Variants in CREB1 observed in about 807,000 individuals in gnomAD.
CREB1 encodes the protein cAMP responsive element binding protein 1, also known as cyclic AMP-responsive element-binding protein 1.
Under a neutral mutation model 42.0 loss-of-function variants are expected in CREB1, and 2 were observed. That is an observed-to-expected ratio of 0.05 (90% CI 0.02 to 0.15). CREB1 has a LOEUF of 0.15. Ranked by LOEUF, CREB1 falls within the 10% of genes least tolerant of loss-of-function variation. The pLI, the probability that CREB1 is intolerant of heterozygous loss-of-function variation, is 1.00. For synonymous variants in CREB1, 123 were observed against 139.9 expected, an observed-to-expected ratio of 0.88 and a Z score of 0.85; for missense variants, 199 against 388.9, an observed-to-expected ratio of 0.51 and a Z score of 4.11.
At chr2:207,579,057 A>G (rs1271248761) in intron 7 of CREB1, among the ~76,000 whole-genome samples, 2 of 152,112 alleles carry the variant, frequency 1.3e-5, no homozygotes, top group Non-Finnish European at 2.9e-5. Flanking sequence ...AAGTGCTGGG[A>G]TTACAGGTAT....
intron 2 of CREB1, among the ~76,000 whole-genome samples, chr2:207,557,405 G>A (rs999322471): frequency 2.0e-5 from 3 of 152,194 alleles, no homozygotes; most frequent in Admixed American, 6.5e-5. Flanking sequence ...TGTATGGGCC[G>A]GGTGTGATGG....
intron 7 of CREB1, chr2:207,581,808 G>A (rs1325165995): frequency 5.7e-6 from 4 of 698,988 alleles, no homozygotes; most frequent in South Asian, 1.5e-5. Flanking sequence ...TCCAGTTTGG[G>A]TACCATATCG....
chr2:207,532,829 C>A (rs763793930), intron 1 of CREB1, among the ~76,000 whole-genome samples: 2 of 151,910 alleles, frequency 1.3e-5, no homozygotes, highest in Non-Finnish European at 2.9e-5. Context: ...TCGGCTCACT[C>A]ACTGCAAGCT....
intron 6 of CREB1, chr2:207,577,131 T>C: frequency 3.0e-6 from 3 of 991,810 alleles, no homozygotes; most frequent in Non-Finnish European, 3.6e-6. Flanking sequence ...AATTTTTTAA[T>C]ATGAATTTAC....
At chr2:207,575,535 C>T (rs760676962) in intron 6 of CREB1, 81 bp downstream of exon 6, 2 of 1,215,194 alleles carry the variant, frequency 1.6e-6, no homozygotes, top group Non-Finnish European at 1.2e-6. Flanking sequence ...AAGTAAGTAT[C>T]ATATTGCAAA....
At chr2:207,546,103 T>C (rs1271985742) in intron 1 of CREB1, among the ~76,000 whole-genome samples, 1 of 152,234 alleles carries the variant, frequency 6.6e-6, no homozygotes, top group Non-Finnish European at 1.5e-5. Context: ...ATTTTCTACT[T>C]TGAGTTTTTA....
At position 207,602,768 on chromosome 2, in the gene CREB1, ATAAT is replaced by A. The variant is rs1296152036; in HGVS notation, c.*5712_*5715del. On this transcript the variant is annotated 3_prime_UTR_variant, in exon 8 of 8. Coordinates refer to ENST00000353267, the MANE Select transcript of CREB1 (RefSeq NM_004379.5). ...AAATTATTTATATTAAAAGTGGGAA[ATAAT>A]TGTCAACATTTTTTTTGAGTATAGA... 4.7e-6 allele frequency: 1 copy of A among 214,376 alleles called. No homozygotes were observed. The highest frequency in any genetic ancestry group is 2.3e-5 in the African/African-American group (1 of 44,320). The allele number at this position is 214,376 out of a possible 1,614,324, so 13.3% of individuals were successfully genotyped here. A position where few individuals can be genotyped will look rare whatever the true frequency, so the allele number is the denominator to read the frequency against.
At chr2:207,585,859 A>G (rs1189644254) in intron 7 of CREB1, among the ~76,000 whole-genome samples, 2 of 152,180 alleles carry the variant, frequency 1.3e-5, no homozygotes, top group Admixed American at 1.3e-4. Flanking sequence ...AGGATGAAGA[A>G]AGCCTACATA....
intron 1 of CREB1, chr2:207,534,470 T>C (rs2080785111): frequency 2.0e-5 from 3 of 152,246 alleles, no homozygotes; most frequent in Admixed American, 2.0e-4. Flanking sequence ...TGCCTGGGAT[T>C]ATAGGCGTGA....
chr2:207,574,709 G>A, intron 5 of CREB1, among the ~76,000 whole-genome samples: 1 of 152,164 alleles, frequency 6.6e-6, no homozygotes, highest in Non-Finnish European at 1.5e-5. Flanking sequence ...AAGTTCCATA[G>A]GATATTTCAG....
intron 1 of CREB1, among the ~76,000 whole-genome samples, chr2:207,547,968 C>T (rs907771081): frequency 3.0e-4 from 45 of 151,748 alleles, no homozygotes; most frequent in Admixed American, 2.8e-3. Flanking sequence ...TCTCATTCAC[C>T]GTGTCACCCA....
chr2:207,560,432 C>G, intron 3 of CREB1, 60 bp downstream of exon 3: 1 of 1,497,354 alleles, frequency 6.7e-7, no homozygotes, highest in East Asian at 2.3e-5. Flanking sequence ...CCATATCTCT[C>G]TCCTTTCACT....
chr2:207,536,876 G>C (rs751818896), intron 1 of CREB1, among the ~76,000 whole-genome samples: 6 of 151,864 alleles, frequency 4.0e-5, no homozygotes, highest in Non-Finnish European at 5.9e-5. Context: ...TGTAGTCCCA[G>C]CTGCTTGGGA....
chr2:207,592,176 G>C (rs1045892404), intron 7 of CREB1, among the ~76,000 whole-genome samples: 2 of 152,068 alleles, frequency 1.3e-5, no homozygotes, highest in African/African-American at 4.8e-5. Context: ...TTAAGGCTGA[G>C]GTAGGCGGAT....
chr2:207,591,456 T>A (rs1027822923), intron 7 of CREB1, among the ~76,000 whole-genome samples: 5 of 152,220 alleles, frequency 3.3e-5, no homozygotes, highest in African/African-American at 1.2e-4. Flanking sequence ...AGACAGAATC[T>A]TGCTCTGTTG....
intron 7 of CREB1, among the ~76,000 whole-genome samples, chr2:207,578,233 A>G (rs1416093312): frequency 1.3e-5 from 2 of 152,234 alleles, no homozygotes; most frequent in African/African-American, 4.8e-5. Context: ...AATCTGTGAA[A>G]TGTTGGTAAA....
chr2:207,533,557 T>G (rs1348553499), intron 1 of CREB1, among the ~76,000 whole-genome samples: 1 of 152,246 alleles, frequency 6.6e-6, no homozygotes, highest in Non-Finnish European at 1.5e-5. Flanking sequence ...TTATCAGATA[T>G]GAGTTACATA....
chr2:207,543,336 G>T (rs1176536578), intron 1 of CREB1, among the ~76,000 whole-genome samples: 1 of 152,082 alleles, frequency 6.6e-6, no homozygotes, highest in African/African-American at 2.4e-5. Context: ...TATTATGAGA[G>T]AATTTATTAT....
chr2:207,581,480 C>T (rs182387182), intron 7 of CREB1: 3,247 of 203,132 alleles, frequency 0.016, 33 homozygotes, highest in Non-Finnish European at 0.025. Context: ...AAAACATGTT[C>T]ATTATAAGTA....
Sources: gnomAD v4.1 joint callset for allele counts (sites outside exome capture counted in the v4.1 genomes callset) on GRCh38, gnomAD v4.1.1 for gene constraint, MANE v1.5 for transcripts, NCBI Gene and HGNC (gene_info 2026-07-23, HGNC 2026-07-21) for gene names.